The following KHDRBS2 variants were observed in gnomAD, a reference collection of about 807,000 sequenced individuals.
KHDRBS2 encodes the protein KH RNA binding domain containing, signal transduction associated 2, also known as KH domain-containing, RNA-binding, signal transduction-associated protein 2.
KHDRBS2 carries 26 observed loss-of-function variants against 44.3 expected under a neutral mutation model. The ratio of observed to expected loss-of-function variants is 0.59; its 90% CI spans 0.43 to 0.81. The LOEUF (loss-of-function observed/expected upper bound fraction) is 0.81, where lower values mean the gene tolerates loss of function less well. KHDRBS2 is among the 40% of genes least tolerant of loss of function. The pLI is 0.00. For missense variants in KHDRBS2, 476 were observed against 433.1 expected (o/e 1.10, Z -0.88); for synonymous variants, 194 against 151.1 (o/e 1.28, Z -2.08).
At chr6:61,610,015 T>C in the KHDRBS2 span, among the ~76,000 whole-genome samples, 1 of 151,566 alleles carries the variant, frequency 6.6e-6, no homozygotes, top group East Asian at 1.9e-4. Context: ...CTGCTAAAAA[T>C]ACAAAAAAAA....
intron 2 of KHDRBS2, among the ~76,000 whole-genome samples, chr6:62,057,395 G>A (rs1346082156): frequency 2.0e-5 from 3 of 151,880 alleles, no homozygotes; most frequent in Non-Finnish European, 4.4e-5. Context: ...TATTTCTGAT[G>A]CTGTTCTTAG....
chr6:61,897,280 C>T (rs145598637), intron 5 of KHDRBS2, among the ~76,000 whole-genome samples: 2 of 152,120 alleles, frequency 1.3e-5, no homozygotes, highest in East Asian at 3.8e-4. Context: ...AATTTGGGAA[C>T]CACTGCCTTA....
At position 62,091,650 on chromosome 6, in the gene KHDRBS2, C is replaced by T. The variant is rs1562835008; in HGVS notation, c.220-43656G>A. ...TTTCACAACATTTGAAAAGATACCACTTTTTCAAATTTTCACTTTGAAAAA... is the reference window on the plus strand; with the variant it reads ...TTTCACAACATTTGAAAAGATACCATTTTTTCAAATTTTCACTTTGAAAAA... On this transcript the variant is annotated intron_variant, in intron 2 of 8. Coordinates refer to ENST00000281156, the MANE Select transcript of KHDRBS2 (RefSeq NM_152688.4). Among the ~76,000 whole-genome samples, 3 of 152,214 alleles carry T rather than the reference C, an allele frequency of 2.0e-5. No homozygotes were observed. In the South Asian group the frequency reaches 6.2e-4, roughly 32 times the overall value.
At chr6:61,712,734 C>A (rs756457974) in intron 7 of KHDRBS2, among the ~76,000 whole-genome samples, 3 of 151,784 alleles carry the variant, frequency 2.0e-5, no homozygotes, top group Non-Finnish European at 4.4e-5. Context: ...AGGCATCTGG[C>A]ACATAGCAAA....
rs540159886 is a variant in KHDRBS2, at chr6:62,076,365, G to A, written c.220-28371C>T. 9.9e-5 allele frequency among the ~76,000 whole-genome samples: 15 copies of A among 152,110 alleles called. No individual in the cohort carries two copies. The South Asian group carries it at 3.1e-3, about 32-fold the overall frequency. ...AAATTATAATTAATACAAAGCACATGATAATAAGTGCTAAAAGAATTGTGT... is the reference window on the plus strand; with the variant it reads ...AAATTATAATTAATACAAAGCACATAATAATAAGTGCTAAAAGAATTGTGT... On this transcript the variant is annotated intron_variant, in intron 2 of 8. Coordinates refer to ENST00000281156, the MANE Select transcript of KHDRBS2 (RefSeq NM_152688.4).
intron 2 of KHDRBS2, among the ~76,000 whole-genome samples, chr6:62,170,462 G>T (rs1022499285): frequency 3.3e-5 from 5 of 152,130 alleles, no homozygotes; most frequent in African/African-American, 9.7e-5. Flanking sequence ...GCATCACAGA[G>T]AACTACTGCC....
At chr6:61,575,476 G>A in the KHDRBS2 span, among the ~76,000 whole-genome samples, 76 of 152,160 alleles carry the variant, frequency 5.0e-4, 1 homozygote, top group South Asian at 0.016. Flanking sequence ...GCACGTAAAT[G>A]GTAAAAAGCA....
chr6:61,723,156 A>AAAAG (rs1772968317), intron 7 of KHDRBS2, among the ~76,000 whole-genome samples: 1 of 150,392 alleles, frequency 6.6e-6, no homozygotes, highest in Non-Finnish European at 1.5e-5. Context: ...CTGACCATAA[A>AAAAG]AAACAAACAA....
At chr6:61,722,855 G>A (rs973447334) in intron 7 of KHDRBS2, among the ~76,000 whole-genome samples, 25 of 151,732 alleles carry the variant, frequency 1.6e-4, no homozygotes, top group African/African-American at 2.2e-4. Context: ...GACTACAAGC[G>A]CCCACCACCA....
chr6:61,619,407 C>T, the KHDRBS2 span, among the ~76,000 whole-genome samples: 1 of 151,800 alleles, frequency 6.6e-6, no homozygotes, highest in East Asian at 1.9e-4. Flanking sequence ...TGGCCTCTAG[C>T]TCCATCCAAG....
chr6:62,083,216 C>A (rs115080284), intron 2 of KHDRBS2, among the ~76,000 whole-genome samples: 1 of 152,036 alleles, frequency 6.6e-6, no homozygotes, highest in Admixed American at 6.6e-5. Context: ...AGAGAAGAAC[C>A]AGCTTAACAT....
At chr6:61,855,742 G>GGGA in intron 6 of KHDRBS2, among the ~76,000 whole-genome samples, 1 of 152,116 alleles carries the variant, frequency 6.6e-6, no homozygotes, top group Non-Finnish European at 1.5e-5. Context: ...CTGGGGAACA[G>GGGA]CAGTCTATAG....
chr6:62,253,501 G>C (rs1836881651), intron 1 of KHDRBS2, among the ~76,000 whole-genome samples: 2 of 151,606 alleles, frequency 1.3e-5, no homozygotes, highest in Non-Finnish European at 2.9e-5. Flanking sequence ...CCTCCTCTTT[G>C]GCCTTTTCTT....
At chr6:62,230,583 G>A (rs757648361) in intron 1 of KHDRBS2, among the ~76,000 whole-genome samples, 1 of 152,128 alleles carries the variant, frequency 6.6e-6, no homozygotes, top group Non-Finnish European at 1.5e-5. Flanking sequence ...AGAGGAAGTT[G>A]CGGAAAGTGA....
At chr6:61,548,719 G>A in the KHDRBS2 span, among the ~76,000 whole-genome samples, 7 of 151,666 alleles carry the variant, frequency 4.6e-5, no homozygotes, top group African/African-American at 1.7e-4. Flanking sequence ...GAAAACAGAC[G>A]GACTCTAATT....
chr6:61,973,996 C>T (rs527685304), intron 4 of KHDRBS2, among the ~76,000 whole-genome samples: 73 of 152,250 alleles, frequency 4.8e-4, no homozygotes, highest in African/African-American at 1.7e-3. Flanking sequence ...CTCCTTTCAT[C>T]TTTTTAATGA....
chr6:61,845,541 C>A (rs1222517968), intron 6 of KHDRBS2, among the ~76,000 whole-genome samples: 4 of 152,172 alleles, frequency 2.6e-5, no homozygotes, highest in Non-Finnish European at 5.9e-5. Context: ...GATCTCTTGA[C>A]CTTGTGTCGG....
chr6:61,931,360 A>T (rs1305719412), intron 4 of KHDRBS2, among the ~76,000 whole-genome samples: 1 of 152,014 alleles, frequency 6.6e-6, no homozygotes, highest in Admixed American at 6.5e-5. Flanking sequence ...ATGAAAGTAT[A>T]GTATTACCCA....
chr6:61,577,087 C>A, the KHDRBS2 span, among the ~76,000 whole-genome samples: 9 of 150,740 alleles, frequency 6.0e-5, no homozygotes, highest in African/African-American at 2.2e-4. Context: ...CTTATGATAC[C>A]TGGTAGTTGT....
Sources: gnomAD v4.1 joint callset for allele counts (sites outside exome capture counted in the v4.1 genomes callset) on GRCh38, gnomAD v4.1.1 for gene constraint, MANE v1.5 for transcripts, NCBI Gene and HGNC (gene_info 2026-07-23, HGNC 2026-07-21) for gene names.